Variants in SPTAN1 observed in about 807,000 individuals in gnomAD.
The protein encoded by SPTAN1 is spectrin alpha chain, non-erythrocytic 1.
A neutral mutation model predicts 331.3 loss-of-function variants in SPTAN1; 61 were observed. The observed-to-expected ratio is 0.18, with a 90% CI of 0.15 to 0.23. The LOEUF is 0.23. Among genes scored for constraint, SPTAN1 ranks in the 10% least tolerant of loss-of-function variants. The pLI, the probability that SPTAN1 is intolerant of heterozygous loss-of-function variation, is 1.00. For missense variants in SPTAN1, 2,043 were observed against 3,147.9 expected, an observed-to-expected ratio of 0.65 and a Z score of 8.40; for synonymous variants, 1,153 against 1,173.9, an observed-to-expected ratio of 0.98 and a Z score of 0.36.
intron 44 of SPTAN1, among the ~76,000 whole-genome samples, chr9:128,619,869 C>T (rs1003503742): frequency 2.6e-5 from 4 of 152,316 alleles, no homozygotes; most frequent in Admixed American, 6.5e-5. Flanking sequence ...TGTGGATCAG[C>T]GGCATCTGCA....
chr9:128,610,346 G>C (rs996345331), intron 37 of SPTAN1, among the ~76,000 whole-genome samples: 8 of 152,206 alleles, frequency 5.3e-5, no homozygotes, highest in South Asian at 2.1e-4. Flanking sequence ...TCAGAACAAG[G>C]AACAGAAGAA....
At chr9:128,581,612 T>A (rs1178173693) in intron 11 of SPTAN1, among the ~76,000 whole-genome samples, 170 bp from the exon 12 acceptor site, 1 of 152,232 alleles carries the variant, frequency 6.6e-6, no homozygotes, top group East Asian at 1.9e-4. Context: ...GGATTGATTT[T>A]AAGAAAATCC....
chr9:128,566,707 G>A, intron 1 of SPTAN1, 31 bp from the exon 2 acceptor site: 1 of 1,613,802 alleles, frequency 6.2e-7, no homozygotes, highest in Non-Finnish European at 8.5e-7. Flanking sequence ...GTGCCTATTG[G>A]TACTTATCTC....
Position 128,618,007 on chromosome 9 carries a change from G to A in SPTAN1, c.5499G>A (p.Lys1833=). The A allele has an allele frequency of 6.2e-7, 1 of 1,614,166 alleles. No individual in the cohort carries two copies. Among genetic ancestry groups the A allele is most frequent in the Non-Finnish European group, 8.5e-7 (1 of 1,180,018 alleles). The change falls in exon 43 of 57, where the codon AAG becomes AAA. Residue 1833 remains lysine (K), a synonymous_variant. Transcript: ENST00000372739. The part of the protein sequence containing the change: ...PAIQGVLDTG[K]KLSDDNTIGK... ...GTCAGGGTGTCCTGGACACTGGCAAGAAGCTGTCCGATGACAACACCATCG... is the reference window on the plus strand; with the variant it reads ...GTCAGGGTGTCCTGGACACTGGCAAAAAGCTGTCCGATGACAACACCATCG...
intron 1 of SPTAN1, among the ~76,000 whole-genome samples, chr9:128,566,459 T>C (rs992630548): frequency 6.6e-6 from 1 of 152,212 alleles, no homozygotes; most frequent in Admixed American, 6.5e-5. Context: ...GTACAAACCA[T>C]AGTTCTCCCA....
intron 1 of SPTAN1, among the ~76,000 whole-genome samples, chr9:128,563,111 C>G (rs534923448): frequency 2.0e-5 from 3 of 150,676 alleles, no homozygotes; most frequent in Admixed American, 2.0e-4. Context: ...AAGGACTTGA[C>G]GTCTGTTTTA....
chr9:128,619,384 C>T (rs73623547), intron 44 of SPTAN1, among the ~76,000 whole-genome samples: 137 of 152,332 alleles, frequency 9.0e-4, no homozygotes, highest in African/African-American at 3.0e-3. Context: ...TTTATTGCTT[C>T]TCAGTTCTGG....
intron 1 of SPTAN1, chr9:128,555,234 C>A: frequency 1.4e-6 from 1 of 697,150 alleles, no homozygotes; most frequent in Non-Finnish European, 2.1e-6. Context: ...GAAAAAATAT[C>A]TGAAATTGGA....
Position 128,584,400 on chromosome 9 carries a change from A to T in SPTAN1, c.2312A>T (p.Glu771Val), listed in dbSNP as rs1852314994. ...GTGGCTCGCTATGAGGCACTCAAGG[A>T]GCCCATGGTTGCCCGGAAGCAGAAG... ...ALVARYEALK[E>V]PMVARKQKLA... The change falls in exon 17 of 57, where the codon GAG becomes GTG. Residue 771 changes from glutamate to valine, a missense_variant. By Grantham distance (121) the Glu-to-Val change is moderately radical. Coordinates refer to ENST00000372739, the MANE Select transcript of SPTAN1 (RefSeq NM_001130438.3). 3 of 1,614,082 alleles carry T rather than the reference A, an allele frequency of 1.9e-6. No individual in the cohort carries two copies. The highest frequency in any genetic ancestry group is 4.5e-5 in the East Asian group (2 of 44,884).
chr9:128,562,967 AAAAAATATATATAT>A (rs1849551810), intron 1 of SPTAN1, among the ~76,000 whole-genome samples: 2 of 130,348 alleles, frequency 1.5e-5, no homozygotes, highest in Non-Finnish European at 3.1e-5. Flanking sequence ...TCCGTCTAAA[AAAAAATATATATAT>A]ACATGTATGT....
intron 19 of SPTAN1, 140 bp from the exon 20 acceptor site, chr9:128,587,466 C>T: frequency 1.4e-6 from 1 of 721,606 alleles, no homozygotes; most frequent in South Asian, 1.5e-5. Flanking sequence ...ATGATATTAG[C>T]ACTGTAAGAA....
At chr9:128,628,342 C>A in intron 51 of SPTAN1, 1 of 379,272 alleles carries the variant, frequency 2.6e-6, no homozygotes, top group South Asian at 2.0e-5. Context: ...GGGCATGAAG[C>A]AGATGGCAGT....
intron 24 of SPTAN1, among the ~76,000 whole-genome samples, chr9:128,597,063 G>A (rs1469156329): frequency 6.6e-6 from 1 of 152,148 alleles, no homozygotes. Context: ...GGTACACTGA[G>A]GCATGAAGAT....
chr9:128,567,870 C>T (rs749461128), intron 2 of SPTAN1, among the ~76,000 whole-genome samples: 2 of 152,002 alleles, frequency 1.3e-5, no homozygotes, highest in Non-Finnish European at 1.5e-5. Context: ...AAGTGATTCT[C>T]CTGCCTCAGC....
intron 45 of SPTAN1, chr9:128,621,909 C>A: frequency 6.3e-6 from 1 of 159,536 alleles, no homozygotes; most frequent in South Asian, 1.8e-4. Context: ...CGGGAATTCA[C>A]CAGCAATCAC....
At chr9:128,607,567 A>C in intron 31 of SPTAN1, 37 bp from the exon 32 acceptor site, 3 of 1,505,290 alleles carry the variant, frequency 2.0e-6, no homozygotes, top group Non-Finnish European at 2.8e-6. Flanking sequence ...CTTACCAGGT[A>C]ATATAATAGC....
In SPTAN1 at chr9:128,627,963, T is replaced by C. The variant is rs367870535; in HGVS notation, c.6707+21T>C. 8 of 1,614,148 alleles carry C rather than the reference T, an allele frequency of 5.0e-6. No homozygotes were observed. The African/African-American group carries it at 8.0e-5, about 16-fold the overall frequency. ...GATGGGTTAATATTGTTTTCTTCCT[T>C]CTCTGGGCTTGTCATGTGGGGGTCT... is the stretch of plus-strand genomic sequence containing the variant. On this transcript the variant is annotated intron_variant, in intron 51 of 56. Transcript: ENST00000372739. The surrounding 1 kb of genome is among the most constrained non-coding windows in gnomAD (Gnocchi z 4.9).
intron 26 of SPTAN1, chr9:128,599,763 T>G: frequency 5.9e-6 from 2 of 339,564 alleles, no homozygotes; most frequent in Non-Finnish European, 1.1e-5. Context: ...TAGGTTCATT[T>G]ATTACCCCTT....
intron 52 of SPTAN1, chr9:128,631,888 G>A: frequency 3.5e-6 from 2 of 566,490 alleles, no homozygotes; most frequent in Middle Eastern, 4.7e-4. Flanking sequence ...GGCGTGCACT[G>A]CCCTCTGGCA....
Sources: gnomAD v4.1 joint callset for allele counts (sites outside exome capture counted in the v4.1 genomes callset) on GRCh38, gnomAD v4.1.1 for gene constraint, Gnocchi (gnomAD v3.1) non-coding constraint, MANE v1.5 for transcripts, NCBI Gene and HGNC (gene_info 2026-07-23, HGNC 2026-07-21) for gene names.